The following CNTNAP4 variants were observed in gnomAD, a reference collection of about 807,000 sequenced individuals.
CNTNAP4 encodes the protein contactin-associated protein-like 4.
CNTNAP4 carries 98 observed loss-of-function variants against 148.4 expected under a neutral mutation model. The ratio of observed to expected loss-of-function variants is 0.66; its 90% confidence interval spans 0.56 to 0.78. The LOEUF (loss-of-function observed/expected upper bound fraction) is 0.78, where lower values mean the gene tolerates loss of function less well. CNTNAP4 is among the 30% of genes least tolerant of loss of function. The probability of loss-of-function intolerance (pLI) is 0.00; values close to 1 mark genes in which losing one functional copy is unlikely to be tolerated. For missense variants in CNTNAP4, 1,935 were observed against 1,565.6 expected (o/e 1.24, Z -3.98); for synonymous variants, 730 against 565.1 (o/e 1.29, Z -4.14).
intron 17 of CNTNAP4, among the ~76,000 whole-genome samples, chr16:76,526,424 A>G (rs1208258175): frequency 6.6e-6 from 1 of 152,102 alleles, no homozygotes; most frequent in Non-Finnish European, 1.5e-5. Flanking sequence ...TTCATTTTTC[A>G]AGCTCTCTCT....
chr16:76,323,665 C>T (rs2144167397), intron 2 of CNTNAP4, among the ~76,000 whole-genome samples: 1 of 152,188 alleles, frequency 6.6e-6, no homozygotes, highest in African/African-American at 2.4e-5. Flanking sequence ...CGATATTGCC[C>T]TCCCTCCTTG....
intron 17 of CNTNAP4, among the ~76,000 whole-genome samples, chr16:76,525,859 CTA>C (rs949422530): frequency 4.7e-5 from 7 of 147,540 alleles, no homozygotes; most frequent in African/African-American, 1.7e-4. Flanking sequence ...ACATATATAA[CTA>C]TATATAAACT....
At chr16:76,421,201 G>C (rs1414177134) in intron 3 of CNTNAP4, among the ~76,000 whole-genome samples, 1 of 151,774 alleles carries the variant, frequency 6.6e-6, no homozygotes, top group Non-Finnish European at 1.5e-5. Context: ...TTTGCACAAG[G>C]GGTCTCATCA....
chr16:76,487,964 G>A (rs2082084477), intron 12 of CNTNAP4, among the ~76,000 whole-genome samples: 1 of 152,106 alleles, frequency 6.6e-6, no homozygotes, highest in Non-Finnish European at 1.5e-5. Context: ...CTTCAAGCAG[G>A]TATATTGTCC....
chr16:76,544,579 G>A (rs1487993663), intron 21 of CNTNAP4, among the ~76,000 whole-genome samples: 1 of 152,072 alleles, frequency 6.6e-6, no homozygotes, highest in Non-Finnish European at 1.5e-5. Flanking sequence ...GAAGATAAAG[G>A]TTTTAGTTAA....
chr16:76,348,412 C>A (rs1275548422), intron 2 of CNTNAP4, among the ~76,000 whole-genome samples: 1 of 151,954 alleles, frequency 6.6e-6, no homozygotes. Flanking sequence ...TGCTTAAATT[C>A]ATCAGGCTAA....
intron 1 of CNTNAP4, among the ~76,000 whole-genome samples, chr16:76,311,036 G>A (rs752631440): frequency 4.8e-4 from 73 of 151,926 alleles, no homozygotes; most frequent in Non-Finnish European, 8.8e-4. Flanking sequence ...TGTTTATCAG[G>A]ATCAGTTGAG....
At chr16:76,395,965 G>T (rs201188938) in intron 3 of CNTNAP4, among the ~76,000 whole-genome samples, 6 of 152,102 alleles carry the variant, frequency 3.9e-5, no homozygotes, top group African/African-American at 1.4e-4. Flanking sequence ...CTGACCTCAG[G>T]TGATCTGCTG....
At chr16:76,511,151 C>T (rs370927868) in intron 15 of CNTNAP4, among the ~76,000 whole-genome samples, 1 of 152,130 alleles carries the variant, frequency 6.6e-6, no homozygotes, top group Admixed American at 6.5e-5. Context: ...ATTTTTAACT[C>T]TTTGGCGTTT....
At chr16:76,395,217 A>G (rs4888496) in intron 3 of CNTNAP4, among the ~76,000 whole-genome samples, 61,863 of 151,660 alleles carry the variant, frequency 0.41, 12,874 homozygotes, top group Middle Eastern at 0.52. Flanking sequence ...GGGCATCAGC[A>G]GATTTGATAT....
intron 1 of CNTNAP4, among the ~76,000 whole-genome samples, chr16:76,310,815 T>A (rs1707622194): frequency 6.6e-6 from 1 of 151,578 alleles, no homozygotes; most frequent in South Asian, 2.1e-4. Context: ...TTTTGAAAAG[T>A]ATATTTTAGG....
intron 1 of CNTNAP4, 113 bp from the exon 2 acceptor site, chr16:76,316,300 T>A (rs368913780): frequency 1.4e-6 from 1 of 739,870 alleles, no homozygotes. Flanking sequence ...TTTTTAGAGA[T>A]CTTAGATCCT....
intron 1 of CNTNAP4, among the ~76,000 whole-genome samples, chr16:76,301,395 G>A (rs1233675293): frequency 2.6e-5 from 4 of 152,136 alleles, no homozygotes; most frequent in African/African-American, 9.6e-5. Context: ...TTCATGGTGG[G>A]ATATGCAAAT....
At chr16:76,505,630 A>T (rs1240200751) in intron 15 of CNTNAP4, among the ~76,000 whole-genome samples, 1 of 97,810 alleles carries the variant, frequency 1.0e-5, no homozygotes, top group African/African-American at 2.6e-5. Flanking sequence ...ATAAATTACC[A>T]TAACATTAAT....
intron 8 of CNTNAP4, among the ~76,000 whole-genome samples, chr16:76,453,130 A>C (rs962639522): frequency 1.3e-5 from 2 of 152,188 alleles, no homozygotes; most frequent in South Asian, 4.1e-4. Context: ...GGAAAACTAG[A>C]CTCTTCCTAA....
chr16:76,411,424 TG>T (rs2144918521), intron 3 of CNTNAP4, among the ~76,000 whole-genome samples: 1 of 151,414 alleles, frequency 6.6e-6, no homozygotes, highest in Non-Finnish European at 1.5e-5. Flanking sequence ...ATGTCTGTAG[TG>T]GGGAATTCAG....
intron 1 of CNTNAP4, among the ~76,000 whole-genome samples, chr16:76,311,444 T>C (rs1961097525): frequency 6.6e-6 from 1 of 152,176 alleles, no homozygotes; most frequent in African/African-American, 2.4e-5. Flanking sequence ...GTATATGGTG[T>C]ATCTATATGA....
chr16:76,438,931 T>G (rs999101885), intron 4 of CNTNAP4, among the ~76,000 whole-genome samples: 13 of 152,242 alleles, frequency 8.5e-5, no homozygotes, highest in African/African-American at 2.4e-4. Context: ...TGTGTACATT[T>G]GTACAATTAC....
At position 76,553,726 on chromosome 16, in the gene CNTNAP4, C is replaced by T. The variant is rs950783655; in HGVS notation, c.3662-110C>T. On this transcript the variant is annotated intron_variant, in intron 22 of 23. Coordinates refer to ENST00000611870, the MANE Select transcript of CNTNAP4 (RefSeq NM_033401.5). ...GCTTAAATTGAAAATAACAGAGATC[C>T]CACATTCGCCTCCATAATTCTCTGT... 1.6e-5 allele frequency: 11 copies of T among 701,726 alleles called. No homozygotes were observed. The East Asian group carries it at 2.7e-4, about 17-fold the overall frequency. 43.5% of individuals were successfully genotyped at this position (701,726 alleles called of 1,614,324 possible).
Sources: gnomAD v4.1 joint callset for allele counts (sites outside exome capture counted in the v4.1 genomes callset) on GRCh38, gnomAD v4.1.1 for gene constraint, MANE v1.5 for transcripts, NCBI Gene and HGNC (gene_info 2026-07-23, HGNC 2026-07-21) for gene names.